PCDHA12: variants seen among roughly 807,000 people sequenced by gnomAD.
PCDHA12 encodes the protein protocadherin alpha-12.
In PCDHA12, 44 loss-of-function variants were observed where a neutral mutation model predicts 60.0. The ratio of observed to expected loss-of-function variants is 0.73; its 90% CI spans 0.58 to 0.94. The LOEUF (loss-of-function observed/expected upper bound fraction) is 0.94. PCDHA12 is among the 40% of genes least tolerant of loss of function. PCDHA12 has a pLI of 0.00. For missense variants in PCDHA12, 1,276 were observed against 1,239.7 expected, an observed-to-expected ratio of 1.03 and a Z score of -0.44; for synonymous variants, 569 against 553.0, an observed-to-expected ratio of 1.03 and a Z score of -0.40.
At chr5:140,923,971 A>G (rs557891257) in intron 1 of PCDHA12, among the ~76,000 whole-genome samples, 2 of 152,330 alleles carry the variant, frequency 1.3e-5, no homozygotes, top group East Asian at 3.9e-4. Flanking sequence ...ATACCCACAC[A>G]TACTATCCCT....
chr5:140,933,653 GTCTC>G (rs1245688430), intron 1 of PCDHA12, among the ~76,000 whole-genome samples: 3 of 151,982 alleles, frequency 2.0e-5, no homozygotes, highest in East Asian at 1.9e-4. Context: ...TGGAAATCCT[GTCTC>G]TCTCTCTGTC....
chr5:140,927,946 G>A (rs1341193072), intron 1 of PCDHA12: 1 of 1,614,096 alleles, frequency 6.2e-7, no homozygotes, highest in East Asian at 2.2e-5. Context: ...AGTACCTGAG[G>A]ACGCTGCCCC....
chr5:140,904,162 A>G (rs1554191325), intron 1 of PCDHA12, among the ~76,000 whole-genome samples: 1 of 152,028 alleles, frequency 6.6e-6, no homozygotes, highest in Non-Finnish European at 1.5e-5. Context: ...CCCAGTTTGT[A>G]GTCTTTTATT....
chr5:140,946,916 T>C (rs1554217963), intron 1 of PCDHA12, among the ~76,000 whole-genome samples: 4 of 151,468 alleles, frequency 2.6e-5, no homozygotes, highest in Non-Finnish European at 5.9e-5. Context: ...GTTCTGGTGT[T>C]TTATTGAACA....
intron 1 of PCDHA12, chr5:140,968,253 C>T: frequency 6.2e-7 from 1 of 1,614,026 alleles, no homozygotes; most frequent in Non-Finnish European, 8.5e-7. Context: ...GCCACAGACC[C>T]AGATGAAAAG....
At chr5:140,902,367 T>C (rs2153476761) in intron 1 of PCDHA12, among the ~76,000 whole-genome samples, 1 of 152,142 alleles carries the variant, frequency 6.6e-6, no homozygotes, top group Middle Eastern at 3.4e-3. Flanking sequence ...TTCTCTTGTC[T>C]AATTGCTCTA....
Position 140,876,681 on chromosome 5 carries a change from T to C in PCDHA12, c.1209T>C (p.Asn403=). The C allele has an allele frequency of 2.5e-6, 4 of 1,614,180 alleles. No homozygotes were observed. The highest frequency in any genetic ancestry group is 1.1e-5 in the South Asian group (1 of 91,084). ...TCAAGCTGGTGTCCACCTACAAGAA[T>C]TACTACTCGTTGGTGCTGGACAGCG... ...VPFKLVSTYK[N]YYSLVLDSAL... Residue 403 remains asparagine, a synonymous_variant, in exon 1 of 4, where the codon AAT becomes AAC. Transcript: ENST00000398631.
intron 1 of PCDHA12, among the ~76,000 whole-genome samples, chr5:140,975,611 A>C (rs191363875): frequency 7.0e-4 from 106 of 152,356 alleles, no homozygotes; most frequent in African/African-American, 2.4e-3. Flanking sequence ...GATGTCTTCC[A>C]CATGGATTTC....
chr5:140,941,185 C>CT (rs782102770), intron 1 of PCDHA12, among the ~76,000 whole-genome samples: 18 of 102,242 alleles, frequency 1.8e-4, no homozygotes, highest in East Asian at 3.7e-4. Flanking sequence ...CATCCTGCTT[C>CT]TTTTTTTTTC....
In PCDHA12 at chr5:140,982,550, C is replaced by T. The variant is rs1554244485; in HGVS notation, c.2502C>T (p.Ser834=). ...CTGATCAGCAGTGGCCAACAGTATC[C>T]AGTGCAACACCAGGTAAAGAGCTGG... The part of the protein sequence containing the change: ...GGPDQQWPTV[S]SATPEPEAGE... The change falls in exon 3 of 4, where the codon TCC becomes TCT. Residue 834 remains serine, a synonymous_variant. Transcript: ENST00000398631. The T allele has an allele frequency of 6.2e-7, 1 of 1,614,176 alleles. No homozygotes were observed. The highest frequency in any genetic ancestry group is 1.7e-5 in the Admixed American group (1 of 60,028).
intron 1 of PCDHA12, among the ~76,000 whole-genome samples, chr5:140,956,676 G>A (rs1281224695): frequency 5.3e-5 from 8 of 152,126 alleles, no homozygotes; most frequent in Admixed American, 2.0e-4. Flanking sequence ...GAGTTAGGGA[G>A]GAGTACCTCC....
At chr5:140,940,017 T>C (rs1418030283) in intron 1 of PCDHA12, among the ~76,000 whole-genome samples, 1 of 152,234 alleles carries the variant, frequency 6.6e-6, no homozygotes, top group Non-Finnish European at 1.5e-5. Flanking sequence ...TTTTGTGTCA[T>C]ATGTTTTAAG....
chr5:140,939,903 CT>C (rs1485545948), intron 1 of PCDHA12, among the ~76,000 whole-genome samples: 1 of 152,046 alleles, frequency 6.6e-6, no homozygotes, highest in Non-Finnish European at 1.5e-5. Context: ...ATTCTGCATT[CT>C]TTTTTATTCT....
chr5:140,877,949 A>G (rs1554170233), intron 1 of PCDHA12, 110 bp downstream of exon 1: 1 of 1,348,792 alleles, frequency 7.4e-7, no homozygotes, highest in East Asian at 2.6e-5. Flanking sequence ...AAACTATCGA[A>G]TGTCTCATCT....
chr5:140,878,370 T>G (rs1049956194), intron 1 of PCDHA12, among the ~76,000 whole-genome samples: 1 of 152,272 alleles, frequency 6.6e-6, no homozygotes, highest in Non-Finnish European at 1.5e-5. Context: ...GTCTGACATA[T>G]GATGAATGAT....
chr5:141,005,701 CAAAAAAAAAAA>C (rs59860837), intron 3 of PCDHA12, among the ~76,000 whole-genome samples: 24 of 7,788 alleles, frequency 3.1e-3, no homozygotes, highest in African/African-American at 7.5e-3. Flanking sequence ...AACTCCGTCT[CAAAAAAAAAAA>C]AAAAAAAAAA....
intron 1 of PCDHA12, among the ~76,000 whole-genome samples, chr5:140,937,818 A>T (rs190175998): frequency 0.029 from 4,407 of 151,960 alleles, 79 homozygotes; most frequent in Admixed American, 0.046. Context: ...AAGCTGAGGC[A>T]GGAGAATGGC....
At chr5:140,932,028 G>T (rs1299372751) in intron 1 of PCDHA12, among the ~76,000 whole-genome samples, 1 of 151,864 alleles carries the variant, frequency 6.6e-6, no homozygotes, top group African/African-American at 2.4e-5. Context: ...TAAGTTTACA[G>T]TATATATTAA....
intron 1 of PCDHA12, among the ~76,000 whole-genome samples, chr5:140,902,351 A>C (rs1554190404): frequency 1.3e-5 from 2 of 151,346 alleles, no homozygotes; most frequent in African/African-American, 4.9e-5. Context: ...GAAGCCCTTT[A>C]TTTCTTTCTC....
Sources: allele counts gnomAD v4.1 joint callset (sites outside exome capture counted in the v4.1 genomes callset), GRCh38; gene constraint gnomAD v4.1.1; transcripts MANE v1.5; gene names NCBI Gene and HGNC (gene_info 2026-07-23, HGNC 2026-07-21).